The following PDE4B variants were observed in gnomAD, a reference collection of about 807,000 sequenced individuals.
The protein encoded by PDE4B is 3',5'-cyclic-AMP phosphodiesterase 4B.
In PDE4B, 20 loss-of-function variants were observed where a neutral mutation model predicts 82.2. The observed-to-expected ratio is 0.24, with a 90% confidence interval of 0.17 to 0.35. The LOEUF is 0.35. Among genes scored for constraint, PDE4B ranks in the 10% least tolerant of loss-of-function variants. The probability of loss-of-function intolerance (pLI) is 1.00; values close to 1 mark genes in which losing one functional copy is unlikely to be tolerated. For synonymous variants in PDE4B, 320 were observed against 318.9 expected (o/e 1.00, Z -0.04); for missense variants, 655 against 907.2 (o/e 0.72, Z 3.57).
chr1:65,991,986 T>A (rs1651269141), intron 3 of PDE4B, among the ~76,000 whole-genome samples: 1 of 152,168 alleles, frequency 6.6e-6, no homozygotes, highest in Non-Finnish European at 1.5e-5. Flanking sequence ...TGGCAACCCA[T>A]GAACAATGAG....
chr1:65,889,684 G>A (rs12730529), intron 1 of PDE4B, among the ~76,000 whole-genome samples: 25,778 of 152,022 alleles, frequency 0.17, 2,842 homozygotes, highest in South Asian at 0.38. Flanking sequence ...GGCATAAAGG[G>A]GGATAACTTT....
intron 1 of PDE4B, among the ~76,000 whole-genome samples, chr1:65,834,373 A>C (rs2101310771): frequency 6.6e-6 from 1 of 152,290 alleles, no homozygotes; most frequent in South Asian, 2.1e-4. Flanking sequence ...TATGATGTTG[A>C]GTTTCTTGCT....
At chr1:65,819,505 T>TTC (rs1645926737) in intron 1 of PDE4B, among the ~76,000 whole-genome samples, 1 of 130,938 alleles carries the variant, frequency 7.6e-6, no homozygotes, top group African/African-American at 3.1e-5. Flanking sequence ...TTTTGTTTTG[T>TTC]TTTTTTTTTT....
At chr1:66,075,560 C>T (rs938580961) in intron 3 of PDE4B, among the ~76,000 whole-genome samples, 2 of 151,942 alleles carry the variant, frequency 1.3e-5, no homozygotes, top group Non-Finnish European at 2.9e-5. Flanking sequence ...TCTAAAAATC[C>T]ATTTATAATA....
intron 3 of PDE4B, among the ~76,000 whole-genome samples, chr1:66,155,432 C>A (rs903265758): frequency 2.6e-5 from 4 of 152,066 alleles, no homozygotes; most frequent in African/African-American, 9.7e-5. Flanking sequence ...TATGCCTCCA[C>A]GTAGATACCC....
In PDE4B at chr1:66,363,286, T is replaced by TTC; in HGVS notation, c.1119+20_1119+21insTC. ...TTCCAGGTGAGTGAACAGGAGTGAA[T>TTC]ACTGGCTTTCCAATTGGATGGCTCT... On this transcript the variant is annotated intron_variant, in intron 11 of 16. Transcript: ENST00000341517. 1 of 1,567,328 alleles carries TTC rather than the reference T, an allele frequency of 6.4e-7. No homozygotes were observed. Among genetic ancestry groups the TTC allele is most frequent in the East Asian group, 2.2e-5 (1 of 44,580 alleles).
At chr1:65,865,060 T>C (rs1475069050) in intron 1 of PDE4B, among the ~76,000 whole-genome samples, 2 of 152,178 alleles carry the variant, frequency 1.3e-5, no homozygotes, top group Non-Finnish European at 2.9e-5. Context: ...CTGCTGCCTT[T>C]CCTTCAGAGA....
At chr1:65,922,732 A>G (rs1647293872) in intron 3 of PDE4B, among the ~76,000 whole-genome samples, 2 of 152,204 alleles carry the variant, frequency 1.3e-5, no homozygotes, top group African/African-American at 4.8e-5. Context: ...AAACACCAAG[A>G]AAGATTAAAT....
chr1:66,342,744 C>A lies in PDE4B; in HGVS notation c.747+10124C>A, dbSNP rs1235497552. 2.5e-4 allele frequency among the ~76,000 whole-genome samples: 34 copies of A among 135,686 alleles called. 1 individual carries two copies. The highest frequency in any genetic ancestry group is 5.1e-3 in the Middle Eastern group (1 of 196). The allele number at this position is 135,686 out of a possible 152,430, so 89.0% of individuals were successfully genotyped here. Reference sequence around the variant, plus strand: ...AAACTCCATCTCAAAAAAAAAAAAACAAAACAAAGCTAAAATGAGGCCAGG... The same window carrying A: ...AAACTCCATCTCAAAAAAAAAAAAAAAAAACAAAGCTAAAATGAGGCCAGG... On this transcript the variant is annotated intron_variant, in intron 8 of 16. Coordinates refer to ENST00000341517, the MANE Select transcript of PDE4B (RefSeq NM_002600.4).
chr1:66,018,655 TA>T (rs1652914892), intron 3 of PDE4B, among the ~76,000 whole-genome samples: 1 of 152,146 alleles, frequency 6.6e-6, no homozygotes, highest in African/African-American at 2.4e-5. Context: ...ATTCTTCAAA[TA>T]ATTCAATTTA....
At chr1:66,138,348 G>T (rs141472617) in intron 3 of PDE4B, among the ~76,000 whole-genome samples, 1 of 152,080 alleles carries the variant, frequency 6.6e-6, no homozygotes, top group Non-Finnish European at 1.5e-5. Flanking sequence ...GTGAAATCCC[G>T]TCTCTACTAA....
intron 8 of PDE4B, among the ~76,000 whole-genome samples, chr1:66,344,642 G>T (rs970615377): frequency 6.6e-6 from 1 of 152,052 alleles, no homozygotes; most frequent in Admixed American, 6.6e-5. Flanking sequence ...TGAACTCCTT[G>T]GTAGGAGTAG....
chr1:66,279,619 A>C (rs1422666050), intron 7 of PDE4B, among the ~76,000 whole-genome samples: 1 of 152,170 alleles, frequency 6.6e-6, no homozygotes, highest in Non-Finnish European at 1.5e-5. Flanking sequence ...TCTCAAAAAA[A>C]AAAAGTAAGA....
intron 7 of PDE4B, among the ~76,000 whole-genome samples, chr1:66,316,589 C>A (rs1659045362): frequency 6.6e-6 from 1 of 152,168 alleles, no homozygotes. Flanking sequence ...TTGATTTAAG[C>A]CAATATTTTC....
intron 3 of PDE4B, chr1:66,050,484 T>G (rs1422163477): frequency 6.6e-6 from 1 of 152,204 alleles, no homozygotes; most frequent in African/African-American, 2.4e-5. Context: ...TTTACATGTA[T>G]GCACACACAC....
intron 10 of PDE4B, 60 bp downstream of exon 10, chr1:66,361,853 G>A (rs184082986): frequency 7.6e-5 from 101 of 1,324,736 alleles, no homozygotes; most frequent in Admixed American, 1.1e-4. Context: ...ACGGATGACC[G>A]TATACCTTTT....
At chr1:66,200,502 T>G (rs536212130) in intron 3 of PDE4B, among the ~76,000 whole-genome samples, 1 of 152,336 alleles carries the variant, frequency 6.6e-6, no homozygotes, top group African/African-American at 2.4e-5. Flanking sequence ...TCCATTTGTT[T>G]GTATCCTCTT....
intron 3 of PDE4B, among the ~76,000 whole-genome samples, chr1:66,176,405 T>A (rs1180375425): frequency 6.6e-6 from 1 of 152,256 alleles, no homozygotes; most frequent in African/African-American, 2.4e-5. Flanking sequence ...CAAGCTCTGT[T>A]GTGCCAATCA....
At chr1:65,962,129 T>A (rs1649574343) in intron 3 of PDE4B, among the ~76,000 whole-genome samples, 1 of 152,212 alleles carries the variant, frequency 6.6e-6, no homozygotes, top group Non-Finnish European at 1.5e-5. Context: ...CAAAATCATC[T>A]ACCACAAAGC....
Sources: gnomAD v4.1 joint callset for allele counts (sites outside exome capture counted in the v4.1 genomes callset) on GRCh38, gnomAD v4.1.1 for gene constraint, MANE v1.5 for transcripts, NCBI Gene and HGNC (gene_info 2026-07-23, HGNC 2026-07-21) for gene names.